Variants in CAMK4 observed in about 807,000 individuals in gnomAD.
The protein encoded by CAMK4 is calcium/calmodulin-dependent protein kinase type IV.
In CAMK4, 22 loss-of-function variants were observed where a neutral mutation model predicts 44.9. That is an observed-to-expected ratio of 0.49 (90% CI 0.35 to 0.70). CAMK4 has a LOEUF of 0.70. CAMK4 is among the 30% of genes least tolerant of loss of function. CAMK4 has a pLI of 0.01. For synonymous variants in CAMK4, 218 were observed against 215.4 expected, an observed-to-expected ratio of 1.01 and a Z score of -0.11; for missense variants, 498 against 586.8, an observed-to-expected ratio of 0.85 and a Z score of 1.56.
At chr5:111,353,190 C>T (rs1283344154) in intron 2 of CAMK4, among the ~76,000 whole-genome samples, 2 of 151,994 alleles carry the variant, frequency 1.3e-5, no homozygotes, top group African/African-American at 4.8e-5. Flanking sequence ...TTTACATACA[C>T]TATTGCAATA....
At chr5:111,242,758 C>G (rs1265279429) in intron 1 of CAMK4, among the ~76,000 whole-genome samples, 3 of 152,170 alleles carry the variant, frequency 2.0e-5, no homozygotes, top group Non-Finnish European at 2.9e-5. Context: ...TTTTCCTCAC[C>G]CAGGATGTGT....
chr5:111,483,851 G>A (rs987126467), intron 10 of CAMK4, among the ~76,000 whole-genome samples, 175 bp from the exon 11 acceptor site: 3 of 152,182 alleles, frequency 2.0e-5, no homozygotes, highest in Non-Finnish European at 4.4e-5. Context: ...AGATGAAAGA[G>A]GTTTTACTGT....
In CAMK4 at chr5:111,394,998, C is replaced by G. The variant is rs140237574; in HGVS notation, c.459+216C>G. 3.6e-4 allele frequency among the ~76,000 whole-genome samples: 54 copies of G among 152,018 alleles called. No individual in the cohort carries two copies. The East Asian group carries it at 0.01, about 28-fold the overall frequency. On this transcript the variant is annotated intron_variant, in intron 5 of 10. Transcript: ENST00000282356. Reference sequence around the variant, plus strand: ...CTGAGGCAGGCAGGTCACTTAAGGTCAGGAGTTCCAGACCAGCCTTGCCAA... The same window carrying G: ...CTGAGGCAGGCAGGTCACTTAAGGTGAGGAGTTCCAGACCAGCCTTGCCAA...
chr5:111,446,847 T>A, intron 6 of CAMK4, 71 bp downstream of exon 6: 1 of 858,224 alleles, frequency 1.2e-6, no homozygotes. Flanking sequence ...GTGGAATTTT[T>A]AAATATTGCT....
At chr5:111,233,793 T>C (rs1748583883) in intron 1 of CAMK4, among the ~76,000 whole-genome samples, 1 of 152,180 alleles carries the variant, frequency 6.6e-6, no homozygotes, top group African/African-American at 2.4e-5. Context: ...GAGGAACCTG[T>C]TTAAGCAATC....
chr5:111,454,621 A>T (rs1754350800), intron 7 of CAMK4, among the ~76,000 whole-genome samples: 1 of 145,590 alleles, frequency 6.9e-6, no homozygotes, highest in African/African-American at 2.5e-5. Context: ...CATCTTGTGG[A>T]TGAGAAAATA....
intron 5 of CAMK4, chr5:111,416,681 A>G (rs1752826954): frequency 6.6e-6 from 1 of 152,192 alleles, no homozygotes; most frequent in African/African-American, 2.4e-5. Context: ...TTGCATGTGA[A>G]CTATTTCCAA....
intron 1 of CAMK4, among the ~76,000 whole-genome samples, chr5:111,335,900 C>T (rs541134822): frequency 1.4e-3 from 214 of 150,442 alleles, no homozygotes; most frequent in African/African-American, 5.1e-3. Flanking sequence ...TTTGACAACT[C>T]TCTCTTTTTG....
intron 5 of CAMK4, among the ~76,000 whole-genome samples, chr5:111,422,820 C>T (rs1370494017): frequency 1.3e-5 from 2 of 152,124 alleles, no homozygotes; most frequent in African/African-American, 4.8e-5. Context: ...AATTCACTTT[C>T]CTGAAATCCT....
chr5:111,273,684 T>TAG (rs1561377761), intron 1 of CAMK4, among the ~76,000 whole-genome samples: 20 of 44,470 alleles, frequency 4.5e-4, no homozygotes, highest in African/African-American at 3.0e-3. Context: ...CATTTATATA[T>TAG]ATATATATAT....
At chr5:111,458,465 T>C (rs1754498849) in intron 7 of CAMK4, among the ~76,000 whole-genome samples, 1 of 152,234 alleles carries the variant, frequency 6.6e-6, no homozygotes. Context: ...TTGTCATTTA[T>C]TAAATATTTG....
chr5:111,494,578 A>C lies in CAMK4; in HGVS notation c.*10112A>C, dbSNP rs898681978. On this transcript the variant is annotated 3_prime_UTR_variant, in exon 11 of 11. Coordinates refer to ENST00000282356, the MANE Select transcript of CAMK4 (RefSeq NM_001744.6). ...GTCTCAGCTGCCCAAAGCCTGAGGC[A>C]GACCACATGAGAGCTGTGGCTTCTT... 1 of 151,638 alleles carries C rather than the reference A, an allele frequency of 6.6e-6. No homozygotes were observed. The highest frequency in any genetic ancestry group is 2.4e-5 in the African/African-American group (1 of 41,172). 9.4% of individuals were successfully genotyped at this position (151,638 alleles called of 1,614,324 possible). A position where few individuals can be genotyped will look rare whatever the true frequency, so the allele number is the denominator to read the frequency against.
At chr5:111,395,955 A>T (rs1243268029) in intron 5 of CAMK4, among the ~76,000 whole-genome samples, 2 of 152,172 alleles carry the variant, frequency 1.3e-5, no homozygotes, top group African/African-American at 4.8e-5. Context: ...TTAGTTATTT[A>T]ACTAAAATCA....
intron 7 of CAMK4, among the ~76,000 whole-genome samples, chr5:111,472,999 T>G (rs1755115635): frequency 1.3e-5 from 2 of 152,256 alleles, no homozygotes; most frequent in Non-Finnish European, 2.9e-5. Context: ...CAAAACTCCC[T>G]TTGAAGTATT....
At chr5:111,327,336 A>G (rs1248490587) in intron 1 of CAMK4, among the ~76,000 whole-genome samples, 2 of 152,040 alleles carry the variant, frequency 1.3e-5, no homozygotes, top group East Asian at 1.9e-4. Context: ...AAGGACATGA[A>G]CTCATCATTT....
intron 1 of CAMK4, among the ~76,000 whole-genome samples, chr5:111,314,845 C>G (rs1561404872): frequency 6.6e-6 from 1 of 151,992 alleles, no homozygotes; most frequent in Non-Finnish European, 1.5e-5. Flanking sequence ...AATCCAGAAA[C>G]AACTACAAAG....
chr5:111,331,879 T>A (rs1252049152), intron 1 of CAMK4, among the ~76,000 whole-genome samples: 1 of 151,108 alleles, frequency 6.6e-6, no homozygotes, highest in Non-Finnish European at 1.5e-5. Flanking sequence ...TATTTATAGA[T>A]TTTTTCTTAT....
intron 1 of CAMK4, among the ~76,000 whole-genome samples, chr5:111,250,974 C>T (rs1442486289): frequency 6.6e-6 from 1 of 152,182 alleles, no homozygotes; most frequent in Non-Finnish European, 1.5e-5. Flanking sequence ...TGTAGTACTT[C>T]TTAGCCTCTC....
chr5:111,341,017 T>G (rs756841513), intron 1 of CAMK4, among the ~76,000 whole-genome samples: 1 of 151,142 alleles, frequency 6.6e-6, no homozygotes, highest in Non-Finnish European at 1.5e-5. Flanking sequence ...TTCATACTAG[T>G]CTCTTAAGAC....
Sources: allele counts gnomAD v4.1 joint callset (sites outside exome capture counted in the v4.1 genomes callset), GRCh38; gene constraint gnomAD v4.1.1; transcripts MANE v1.5; gene names NCBI Gene and HGNC (gene_info 2026-07-23, HGNC 2026-07-21).